OSBPL9: variants seen among roughly 807,000 people sequenced by gnomAD.
OSBPL9 encodes the protein oxysterol-binding protein-related protein 9.
OSBPL9 carries 40 observed loss-of-function variants against 106.6 expected under a neutral mutation model. The observed-to-expected ratio is 0.38, with a 90% CI of 0.29 to 0.49. The LOEUF is 0.49. Among genes scored for constraint, OSBPL9 ranks in the 20% least tolerant of loss-of-function variants. OSBPL9 has a pLI of 0.97. For synonymous variants in OSBPL9, 269 were observed against 295.4 expected (o/e 0.91, Z 0.92); for missense variants, 609 against 887.2 (o/e 0.69, Z 3.98).
intron 1 of OSBPL9, among the ~76,000 whole-genome samples, chr1:51,595,826 C>T (rs1292024840): frequency 6.6e-6 from 1 of 152,148 alleles, no homozygotes; most frequent in Non-Finnish European, 1.5e-5. Flanking sequence ...GCTCGCCTTA[C>T]AGATGAACAA....
the OSBPL9 span, among the ~76,000 whole-genome samples, chr1:51,524,046 A>C: frequency 6.6e-6 from 1 of 152,202 alleles, no homozygotes; most frequent in African/African-American, 2.4e-5. Flanking sequence ...TTAAAATCTT[A>C]CTACAATTCT....
intron 15 of OSBPL9, among the ~76,000 whole-genome samples, chr1:51,778,683 C>T (rs1472163796): frequency 1.3e-5 from 2 of 152,088 alleles, no homozygotes; most frequent in Non-Finnish European, 2.9e-5. Flanking sequence ...CAAATTCATC[C>T]GTCAGGGTCT....
chr1:51,666,193 T>C (rs1393310309), intron 2 of OSBPL9, among the ~76,000 whole-genome samples: 1 of 152,042 alleles, frequency 6.6e-6, no homozygotes, highest in African/African-American at 2.4e-5. Flanking sequence ...AATGTGGTCA[T>C]TGGAGATCTG....
the OSBPL9 span, chr1:51,566,295 T>A: frequency 6.6e-6 from 1 of 152,362 alleles, no homozygotes; most frequent in African/African-American, 2.4e-5. Flanking sequence ...TCTCCACAGC[T>A]GAGATCCCAC....
intron 1 of OSBPL9, among the ~76,000 whole-genome samples, chr1:51,620,612 A>G (rs1450618197): frequency 6.6e-6 from 1 of 152,170 alleles, no homozygotes; most frequent in Non-Finnish European, 1.5e-5. Flanking sequence ...CAAAGGGAAT[A>G]AAAGTTTTTT....
chr1:51,683,512 G>T (rs1024777368), intron 3 of OSBPL9, among the ~76,000 whole-genome samples: 15 of 151,906 alleles, frequency 9.9e-5, no homozygotes, highest in African/African-American at 3.6e-4. Flanking sequence ...GGAAATCTTC[G>T]CTGGGCTTGG....
At chr1:51,566,843 A>T in the OSBPL9 span, among the ~76,000 whole-genome samples, 1 of 151,904 alleles carries the variant, frequency 6.6e-6, no homozygotes, top group Admixed American at 6.6e-5. Flanking sequence ...GTCATATATG[A>T]TTTGTCTGTT....
Position 51,682,203 on chromosome 1 carries a change from C to CA in OSBPL9, c.241+12701dup, listed in dbSNP as rs201894007. Among the ~76,000 whole-genome samples, 37 of 147,890 alleles carry CA rather than the reference C, an allele frequency of 2.5e-4. 1 individual carries two copies. Among genetic ancestry groups the CA allele is most frequent in the East Asian group, 5.9e-4 (3 of 5,062 alleles). ...TGGGCGACAGAGCAAGACTCCGTCTCAAAAAAAAAATTACATTATTTTTAC... is the reference window on the plus strand; with the variant it reads ...TGGGCGACAGAGCAAGACTCCGTCTCAAAAAAAAAAATTACATTATTTTTAC... On this transcript the variant is annotated intron_variant, in intron 3 of 23. Coordinates refer to ENST00000428468, the MANE Select transcript of OSBPL9 (RefSeq NM_024586.6).
At chr1:51,557,423 T>C in the OSBPL9 span, among the ~76,000 whole-genome samples, 1 of 152,208 alleles carries the variant, frequency 6.6e-6, no homozygotes, top group Non-Finnish European at 1.5e-5. Context: ...TTTCCCTACT[T>C]TCATGAGAAC....
chr1:51,587,754 C>A (rs1277563151), intron 1 of OSBPL9, among the ~76,000 whole-genome samples: 2 of 152,202 alleles, frequency 1.3e-5, no homozygotes, highest in African/African-American at 4.8e-5. Flanking sequence ...TACTTACTTG[C>A]GCTCTTCTCT....
At chr1:51,638,591 G>A (rs762970292) in intron 1 of OSBPL9, among the ~76,000 whole-genome samples, 19 of 151,924 alleles carry the variant, frequency 1.3e-4, no homozygotes, top group South Asian at 1.0e-3. Context: ...AAAGAAAGGC[G>A]GGGCACGGTG....
intron 1 of OSBPL9, among the ~76,000 whole-genome samples, chr1:51,597,421 ATATGTGTGTGTGTGTGTG>A (rs1343415919): frequency 1.0e-5 from 1 of 100,440 alleles, no homozygotes; most frequent in African/African-American, 3.1e-5. Context: ...ATATATATAT[ATATGTGTGTGTGTGTGTG>A]TGTGTGTGTG....
chr1:51,775,389 CTCT>C (rs1259525801), intron 14 of OSBPL9, among the ~76,000 whole-genome samples: 1 of 151,444 alleles, frequency 6.6e-6, no homozygotes, highest in Non-Finnish European at 1.5e-5. Flanking sequence ...CACAGCCTTA[CTCT>C]TCTTTAAGGC....
intron 1 of OSBPL9, among the ~76,000 whole-genome samples, chr1:51,631,316 A>C (rs979460055): frequency 7.9e-5 from 12 of 152,092 alleles, no homozygotes; most frequent in Non-Finnish European, 1.8e-4. Context: ...TAGCAGCAGG[A>C]GGATCATTGA....
intron 3 of OSBPL9, among the ~76,000 whole-genome samples, chr1:51,672,944 G>A (rs1650249745): frequency 1.3e-5 from 2 of 152,178 alleles, no homozygotes; most frequent in South Asian, 4.1e-4. Context: ...GAGTTCAGTG[G>A]AAAAGTTTGG....
intron 2 of OSBPL9, among the ~76,000 whole-genome samples, chr1:51,655,250 G>C (rs1646747728): frequency 6.6e-6 from 1 of 152,102 alleles, no homozygotes; most frequent in South Asian, 2.1e-4. Context: ...CCTCTTCCAG[G>C]CTCATTCAGG....
the OSBPL9 span, chr1:51,567,109 G>A: frequency 6.6e-6 from 1 of 152,108 alleles, no homozygotes; most frequent in Non-Finnish European, 1.5e-5. Context: ...CCCTAAAATT[G>A]TCTTATCACT....
At chr1:51,611,643 T>C (rs919724394) in intron 2 of OSBPL9, among the ~76,000 whole-genome samples, 5 of 152,304 alleles carry the variant, frequency 3.3e-5, no homozygotes, top group Admixed American at 2.6e-4. Flanking sequence ...AAACTTCCTA[T>C]GGAGAAACAC....
At position 51,707,363 on chromosome 1, in the gene OSBPL9, A is replaced by G. The variant is rs138058268; in HGVS notation, c.242-6640A>G. On this transcript the variant is annotated intron_variant, in intron 3 of 23. Transcript: ENST00000428468. The stretch of plus-strand genomic sequence containing the variant: ...AGGGGGCCCTCTGGTGCCTGCTTCA[A>G]TACCTTCTTAATGTCATCGTATTTG... 43 of 181,356 alleles carry G rather than the reference A, an allele frequency of 2.4e-4. No homozygotes were observed. In the East Asian group the frequency reaches 7.1e-3, roughly 30 times the overall value. The allele number at this position is 181,356 out of a possible 1,614,324, so 11.2% of individuals were successfully genotyped here. A position where few individuals can be genotyped will look rare whatever the true frequency, so the allele number is the denominator to read the frequency against.
Sources: gnomAD v4.1 joint callset for allele counts (sites outside exome capture counted in the v4.1 genomes callset) on GRCh38, gnomAD v4.1.1 for gene constraint, MANE v1.5 for transcripts, NCBI Gene and HGNC (gene_info 2026-07-23, HGNC 2026-07-21) for gene names.